The following SYT16 variants were observed in gnomAD, a reference collection of about 807,000 sequenced individuals.
SYT16 encodes the protein synaptotagmin-16.
Under a neutral mutation model 61.4 loss-of-function variants are expected in SYT16, and 42 were observed. The ratio of observed to expected loss-of-function variants is 0.68; its 90% CI spans 0.53 to 0.89. The LOEUF (loss-of-function observed/expected upper bound fraction) is 0.89, where lower values mean the gene tolerates loss of function less well. Ranked by LOEUF, SYT16 falls within the 40% of genes least tolerant of loss-of-function variation. The pLI is 0.00. For synonymous variants in SYT16, 314 were observed against 302.3 expected, an observed-to-expected ratio of 1.04 and a Z score of -0.40; for missense variants, 804 against 807.3, an observed-to-expected ratio of 1.00 and a Z score of 0.05.
intron 3 of SYT16, among the ~76,000 whole-genome samples, chr14:62,014,554 C>G (rs1310513538): frequency 6.6e-6 from 1 of 151,936 alleles, no homozygotes; most frequent in African/African-American, 2.4e-5. Context: ...CTGCCTCAGC[C>G]TCCTAAGTAG....
chr14:62,072,052 A>G (rs1275226379), intron 4 of SYT16, among the ~76,000 whole-genome samples: 2 of 152,212 alleles, frequency 1.3e-5, no homozygotes, highest in Non-Finnish European at 2.9e-5. Flanking sequence ...TTTTTGGTCT[A>G]AGTGGTCTGG....
rs1395866740 is a variant in SYT16, at chr14:62,101,446, GCTGT to G, written c.*742_*745del. On this transcript the variant is annotated 3_prime_UTR_variant, in exon 8 of 8. Coordinates refer to ENST00000683842, the MANE Select transcript of SYT16 (RefSeq NM_001367656.1). The stretch of plus-strand genomic sequence containing the variant: ...AACTTGTGACTTTCAAGGTTTTTAT[GCTGT>G]CTTTCTCACCCAATAAGTTCTTACA... 4 of 152,108 alleles carry G rather than the reference GCTGT, an allele frequency of 2.6e-5. No individual in the cohort carries two copies. Among genetic ancestry groups the G allele is most frequent in the Non-Finnish European group, 5.9e-5 (4 of 68,002 alleles). 9.4% of individuals were successfully genotyped at this position (152,108 alleles called of 1,614,324 possible).
intron 5 of SYT16, among the ~76,000 whole-genome samples, chr14:62,080,194 C>T (rs193044815): frequency 5.3e-5 from 8 of 152,254 alleles, no homozygotes; most frequent in Admixed American, 3.3e-4. Context: ...AAGTGTGAGC[C>T]GAGGCTAGCA....
rs547466144 is a variant in SYT16, at chr14:62,013,136, T to A, written c.523+16594T>A. On this transcript the variant is annotated intron_variant, in intron 3 of 7. Transcript: ENST00000683842. ...ATATTATTTAATCATCATTGAAATGTTATGAGGTATATCCAGAGTGGTGGT... is the reference window on the plus strand; with the variant it reads ...ATATTATTTAATCATCATTGAAATGATATGAGGTATATCCAGAGTGGTGGT... Among the ~76,000 whole-genome samples, 37 of 152,350 alleles carry A rather than the reference T, an allele frequency of 2.4e-4. No homozygotes were observed. In the South Asian group the frequency reaches 7.3e-3, roughly 30 times the overall value.
chr14:61,900,873 G>A (rs181527115), intron 1 of SYT16, among the ~76,000 whole-genome samples: 16 of 152,338 alleles, frequency 1.1e-4, no homozygotes, highest in African/African-American at 3.6e-4. Context: ...TGGAGAAGAG[G>A]AAACTCCTCA....
At chr14:62,075,549 A>G (rs1011109890) in intron 5 of SYT16, among the ~76,000 whole-genome samples, 158 bp downstream of exon 5, 1 of 150,934 alleles carries the variant, frequency 6.6e-6, no homozygotes, top group African/African-American at 2.4e-5. Context: ...AATCCCATGC[A>G]TGTCAATAAA....
intron 1 of SYT16, among the ~76,000 whole-genome samples, chr14:61,966,355 C>T (rs895239059): frequency 2.6e-5 from 4 of 151,612 alleles, no homozygotes; most frequent in African/African-American, 9.7e-5. Flanking sequence ...AATTATTTAC[C>T]AAGCTAAAAT....
rs374975302 is a variant in SYT16 at position 62,073,433 on chromosome 14, G to A, written c.737-1702G>A. Among the ~76,000 whole-genome samples the A allele has an allele frequency of 2.0e-5, 3 of 152,280 alleles. No individual in the cohort carries two copies. In the East Asian group the frequency reaches 5.8e-4, roughly 29 times the overall value. ...GACTTAGAAGAAAATCCTGCTTTAT[G>A]TTGTAGGTTTTTGCATGTGGATTTT... is the stretch of plus-strand genomic sequence containing the variant. On this transcript the variant is annotated intron_variant, in intron 4 of 7. Transcript: ENST00000683842.
intron 5 of SYT16, among the ~76,000 whole-genome samples, chr14:62,079,658 G>A (rs2056636059): frequency 6.6e-6 from 1 of 152,212 alleles, no homozygotes; most frequent in African/African-American, 2.4e-5. Context: ...AAGTTCTGGT[G>A]TTCAATTGCA....
chr14:62,066,102 G>A (rs2056050230), intron 3 of SYT16, among the ~76,000 whole-genome samples: 1 of 152,238 alleles, frequency 6.6e-6, no homozygotes, highest in African/African-American at 2.4e-5. Context: ...GAAGTTTGGA[G>A]TTGGAGAATT....
At chr14:61,932,649 T>C (rs2049819839) in intron 1 of SYT16, among the ~76,000 whole-genome samples, 1 of 152,032 alleles carries the variant, frequency 6.6e-6, no homozygotes, top group Non-Finnish European at 1.5e-5. Flanking sequence ...CAATTAGAGA[T>C]GAGATTTGGG....
intron 1 of SYT16, among the ~76,000 whole-genome samples, chr14:61,874,355 C>T (rs1334830655): frequency 6.6e-6 from 1 of 152,148 alleles, no homozygotes; most frequent in African/African-American, 2.4e-5. Context: ...GTGAATGCCA[C>T]ATATCTGGAG....
At chr14:62,019,120 T>A (rs1239077034) in intron 3 of SYT16, among the ~76,000 whole-genome samples, 1 of 152,194 alleles carries the variant, frequency 6.6e-6, no homozygotes, top group Admixed American at 6.5e-5. Flanking sequence ...TAAGGAAAAG[T>A]GAAGTTTTTC....
chr14:61,873,404 C>T (rs935562570), intron 1 of SYT16, among the ~76,000 whole-genome samples: 2 of 152,186 alleles, frequency 1.3e-5, no homozygotes, highest in Non-Finnish European at 2.9e-5. Flanking sequence ...CTCGCTTCTC[C>T]TTAACAAACC....
At chr14:62,084,434 G>A in intron 7 of SYT16, 49 bp downstream of exon 7, 1 of 1,562,594 alleles carries the variant, frequency 6.4e-7, no homozygotes, top group Non-Finnish European at 8.6e-7. Context: ...GAGGCAAGTG[G>A]AAAGCCCTGT....
intron 2 of SYT16, among the ~76,000 whole-genome samples, chr14:61,982,048 A>G (rs978282429): frequency 2.0e-5 from 3 of 152,184 alleles, no homozygotes; most frequent in Admixed American, 1.3e-4. Flanking sequence ...TTTACCAATG[A>G]CTGTGTAACA....
chr14:61,992,331 G>C (rs529189648), intron 2 of SYT16, among the ~76,000 whole-genome samples: 55 of 152,234 alleles, frequency 3.6e-4, no homozygotes, highest in Middle Eastern at 3.4e-3. Context: ...CTGGCACATA[G>C]GACTTTACAG....
At chr14:62,045,593 C>A (rs892983331) in intron 3 of SYT16, among the ~76,000 whole-genome samples, 3 of 152,106 alleles carry the variant, frequency 2.0e-5, no homozygotes, top group African/African-American at 7.2e-5. Flanking sequence ...CTAATGCTAT[C>A]TCTCCCCACT....
chr14:61,878,220 A>G (rs918228400), intron 1 of SYT16, among the ~76,000 whole-genome samples: 3 of 152,204 alleles, frequency 2.0e-5, no homozygotes, highest in Non-Finnish European at 1.5e-5. Flanking sequence ...GAAAATGAAG[A>G]TGATTAGAAA....
Sources: gnomAD v4.1 joint callset for allele counts (sites outside exome capture counted in the v4.1 genomes callset) on GRCh38, gnomAD v4.1.1 for gene constraint, MANE v1.5 for transcripts, NCBI Gene and HGNC (gene_info 2026-07-23, HGNC 2026-07-21) for gene names.